Variants in GBE1 observed in about 807,000 individuals in gnomAD.
The protein encoded by GBE1 is 1,4-alpha-glucan branching enzyme 1.
Under a neutral mutation model 88.8 loss-of-function variants are expected in GBE1, and 70 were observed. The ratio of observed to expected loss-of-function variants is 0.79; its 90% CI spans 0.65 to 0.96. The LOEUF (loss-of-function observed/expected upper bound fraction) is 0.96, where lower values mean the gene tolerates loss of function less well. Among genes scored for constraint, GBE1 ranks in the 40% least tolerant of loss-of-function variants. The pLI is 0.00. For synonymous variants in GBE1, 284 were observed against 300.1 expected (o/e 0.95, Z 0.56); for missense variants, 872 against 871.0 (o/e 1.00, Z -0.01).
chr3:81,508,324 A>G (rs1027114760), intron 14 of GBE1, among the ~76,000 whole-genome samples: 2 of 152,182 alleles, frequency 1.3e-5, no homozygotes. Flanking sequence ...GAAGAAAAAT[A>G]GAAAAATGTG....
chr3:81,629,065 A>G (rs1704466582), intron 7 of GBE1, among the ~76,000 whole-genome samples: 1 of 129,376 alleles, frequency 7.7e-6, no homozygotes, highest in South Asian at 2.4e-4. Context: ...TTTAGGGTAC[A>G]TGTGCACATT....
chr3:81,714,984 T>C (rs1331183563), intron 1 of GBE1, among the ~76,000 whole-genome samples: 1 of 152,146 alleles, frequency 6.6e-6, no homozygotes, highest in Non-Finnish European at 1.5e-5. Flanking sequence ...ACAGGTACCA[T>C]CTCCAAATAT....
At chr3:81,691,850 C>T (rs911757099) in intron 2 of GBE1, among the ~76,000 whole-genome samples, 3 of 152,066 alleles carry the variant, frequency 2.0e-5, no homozygotes, top group African/African-American at 7.2e-5. Context: ...TATTATTCAT[C>T]TGGGTAGATC....
chr3:81,517,685 T>C (rs1702816097), intron 14 of GBE1, among the ~76,000 whole-genome samples: 1 of 151,558 alleles, frequency 6.6e-6, no homozygotes, highest in African/African-American at 2.4e-5. Flanking sequence ...TTGTGAATTC[T>C]ACAAAATTAT....
At chr3:81,605,101 A>T (rs541136460) in intron 7 of GBE1, among the ~76,000 whole-genome samples, 1 of 152,242 alleles carries the variant, frequency 6.6e-6, no homozygotes, top group African/African-American at 2.4e-5. Context: ...AAATATTGAA[A>T]ATTTCCCCAA....
intron 8 of GBE1, among the ~76,000 whole-genome samples, chr3:81,591,777 T>C (rs1196648577): frequency 6.6e-6 from 1 of 152,174 alleles, no homozygotes; most frequent in Non-Finnish European, 1.5e-5. Flanking sequence ...TAATTTACTC[T>C]TATTGTTATA....
In GBE1 at chr3:81,534,239, T is replaced by C. The variant is rs1387977202; in HGVS notation, c.1934+956A>G. 3.3e-5 allele frequency among the ~76,000 whole-genome samples: 5 copies of C among 152,030 alleles called. No homozygotes were observed. The East Asian group carries it at 9.7e-4, about 29-fold the overall frequency. ...TTTTTCATGGATCTAGTAACATGTC[T>C]TTAAAATGTACTGTACATTTCCTTT... On this transcript the variant is annotated intron_variant, in intron 14 of 15. Transcript: ENST00000429644.
intron 15 of GBE1, among the ~76,000 whole-genome samples, chr3:81,491,327 C>T (rs564857164): frequency 1.3e-5 from 2 of 152,144 alleles, no homozygotes; most frequent in Admixed American, 1.3e-4. Flanking sequence ...TCAGGTTTAC[C>T]ATCTGTTTCC....
At chr3:81,565,269 C>T (rs934537117) in intron 12 of GBE1, among the ~76,000 whole-genome samples, 2 of 152,126 alleles carry the variant, frequency 1.3e-5, no homozygotes, top group African/African-American at 4.8e-5. Context: ...GCAAACTTGC[C>T]TCAACAAGCT....
chr3:81,681,156 A>T (rs1192549492), intron 2 of GBE1, among the ~76,000 whole-genome samples: 1 of 152,252 alleles, frequency 6.6e-6, no homozygotes, highest in Non-Finnish European at 1.5e-5. Context: ...ATGAAGGAGA[A>T]GAAATTGTAA....
chr3:81,607,035 G>A (rs1212959159), intron 7 of GBE1, among the ~76,000 whole-genome samples: 1 of 152,096 alleles, frequency 6.6e-6, no homozygotes, highest in Non-Finnish European at 1.5e-5. Context: ...GACACATATT[G>A]TTCTGCAGGC....
intron 12 of GBE1, among the ~76,000 whole-genome samples, chr3:81,545,538 T>C (rs1209322458): frequency 6.6e-6 from 1 of 152,098 alleles, no homozygotes; most frequent in Non-Finnish European, 1.5e-5. Flanking sequence ...ACAGGATTTA[T>C]CATTACAGTC....
intron 12 of GBE1, among the ~76,000 whole-genome samples, chr3:81,540,785 T>C (rs1050110033): frequency 2.5e-4 from 38 of 152,092 alleles, no homozygotes; most frequent in African/African-American, 8.9e-4. Context: ...ACAGACTGAT[T>C]GGGTAAATCA....
At chr3:81,498,098 C>G (rs1473972340) in intron 15 of GBE1, among the ~76,000 whole-genome samples, 2 of 152,210 alleles carry the variant, frequency 1.3e-5, no homozygotes, top group African/African-American at 4.8e-5. Flanking sequence ...TTCCACTGCA[C>G]TTTCCTCACA....
chr3:81,657,091 G>A (rs1704949186), intron 3 of GBE1, among the ~76,000 whole-genome samples: 1 of 149,810 alleles, frequency 6.7e-6, no homozygotes, highest in Non-Finnish European at 1.5e-5. Flanking sequence ...TTCAGGCAGA[G>A]GTTGCAGTGA....
At chr3:81,522,296 C>T (rs1428180734) in intron 14 of GBE1, among the ~76,000 whole-genome samples, 3 of 151,472 alleles carry the variant, frequency 2.0e-5, no homozygotes, top group Non-Finnish European at 4.4e-5. Flanking sequence ...TATTAAAAAA[C>T]AATACTGTTT....
chr3:81,664,659 G>T (rs903415791), intron 3 of GBE1, among the ~76,000 whole-genome samples: 2 of 152,158 alleles, frequency 1.3e-5, no homozygotes, highest in African/African-American at 4.8e-5. Context: ...GTGCTGCTCA[G>T]CTGAGAACAA....
chr3:81,683,280 T>A (rs144442163), intron 2 of GBE1, among the ~76,000 whole-genome samples: 3 of 152,310 alleles, frequency 2.0e-5, no homozygotes, highest in Admixed American at 6.5e-5. Context: ...AAACTTTTTT[T>A]AAAAGTCAGG....
intron 3 of GBE1, among the ~76,000 whole-genome samples, chr3:81,652,951 T>C (rs1037368954): frequency 6.6e-6 from 1 of 152,198 alleles, no homozygotes; most frequent in African/African-American, 2.4e-5. Flanking sequence ...GAAAACTTTA[T>C]GTCATTTAAC....
Sources: allele counts gnomAD v4.1 joint callset (sites outside exome capture counted in the v4.1 genomes callset), GRCh38; gene constraint gnomAD v4.1.1; transcripts MANE v1.5; gene names NCBI Gene and HGNC (gene_info 2026-07-23, HGNC 2026-07-21).